Variants in PPP6R2 observed in about 807,000 individuals in gnomAD.
PPP6R2 encodes serine/threonine-protein phosphatase 6 regulatory subunit 2.
Under a neutral mutation model 100.2 loss-of-function variants are expected in PPP6R2, and 62 were observed. The observed-to-expected ratio is 0.62, with a 90% CI of 0.50 to 0.76. PPP6R2 has a LOEUF of 0.76. PPP6R2 is among the 30% of genes least tolerant of loss of function. The pLI, the probability that PPP6R2 is intolerant of heterozygous loss-of-function variation, is 0.00. For synonymous variants in PPP6R2, 525 were observed against 514.7 expected (o/e 1.02, Z -0.27); for missense variants, 1,142 against 1,276.3 (o/e 0.89, Z 1.60).
At chr22:50,419,705 T>C (rs895119965) in intron 8 of PPP6R2, among the ~76,000 whole-genome samples, 6 of 152,258 alleles carry the variant, frequency 3.9e-5, no homozygotes, top group African/African-American at 1.4e-4. Context: ...CAGTTGGCGA[T>C]GCATTTGTCG....
chr22:50,340,434 TGTGTGTG>T, upstream of PPP6R2, among the ~76,000 whole-genome samples: 1 of 135,036 alleles, frequency 7.4e-6, no homozygotes, highest in Non-Finnish European at 1.6e-5. Context: ...GTGTGTGTGG[TGTGTGTG>T]GTATGTGGTG....
intron 3 of PPP6R2, among the ~76,000 whole-genome samples, chr22:50,404,599 G>GT (rs57447654): frequency 0.05 from 6,009 of 120,142 alleles, 417 homozygotes; most frequent in African/African-American, 0.14. Context: ...TTTCTTTCTT[G>GT]TTTTTTTTTT....
chr22:50,349,946 C>T (rs1254702937), intron 1 of PPP6R2, among the ~76,000 whole-genome samples: 2 of 151,498 alleles, frequency 1.3e-5, no homozygotes, highest in South Asian at 2.1e-4. Context: ...GGTGAAACTC[C>T]GTCTCTACTA....
chr22:50,386,317 T>A (rs2148751146), intron 2 of PPP6R2, among the ~76,000 whole-genome samples: 1 of 151,550 alleles, frequency 6.6e-6, no homozygotes, highest in East Asian at 1.9e-4. Flanking sequence ...AATTTTGTAT[T>A]TTTAGTAGAG....
At chr22:50,339,556 G>C (rs2042345601), upstream of PPP6R2, among the ~76,000 whole-genome samples, 1 of 121,964 alleles carries the variant, frequency 8.2e-6, no homozygotes, top group African/African-American at 3.2e-5. Flanking sequence ...GTGTGTGTGT[G>C]GTGTGTGTGG....
intron 1 of PPP6R2, among the ~76,000 whole-genome samples, chr22:50,370,973 C>T (rs2050082811): frequency 6.6e-6 from 1 of 152,186 alleles, no homozygotes; most frequent in Non-Finnish European, 1.5e-5. Context: ...TTGTAGAGGT[C>T]AGGGTATTGG....
intron 1 of PPP6R2, among the ~76,000 whole-genome samples, chr22:50,351,622 G>GTCTTGT (rs2045284560): frequency 2.0e-5 from 3 of 151,882 alleles, no homozygotes; most frequent in South Asian, 2.1e-4. Flanking sequence ...AGCATTTGCT[G>GTCTTGT]TTTTGTTTTT....
At chr22:50,400,817 C>T (rs1461473801) in intron 3 of PPP6R2, among the ~76,000 whole-genome samples, 1 of 152,174 alleles carries the variant, frequency 6.6e-6, no homozygotes, top group Non-Finnish European at 1.5e-5. Flanking sequence ...TTGTTCTGGG[C>T]TCCCTGAACC....
At chr22:50,352,458 G>A (rs990804010) in intron 1 of PPP6R2, among the ~76,000 whole-genome samples, 15 of 152,046 alleles carry the variant, frequency 9.9e-5, no homozygotes, top group Admixed American at 5.3e-4. Context: ...CATTGGGTGC[G>A]GTGTCTGACC....
At chr22:50,350,529 G>A (rs1039184523) in intron 1 of PPP6R2, among the ~76,000 whole-genome samples, 2 of 151,494 alleles carry the variant, frequency 1.3e-5, no homozygotes, top group Non-Finnish European at 2.9e-5. Context: ...ACTGCGACCG[G>A]CCTGAAATGT....
intron 3 of PPP6R2, among the ~76,000 whole-genome samples, chr22:50,403,622 C>T (rs934678701): frequency 1.3e-5 from 2 of 152,192 alleles, no homozygotes; most frequent in African/African-American, 4.8e-5. Flanking sequence ...TCTCAGGCCC[C>T]CTCTCTGCCC....
chr22:50,370,491 G>C (rs373017644), intron 1 of PPP6R2, among the ~76,000 whole-genome samples: 3 of 151,528 alleles, frequency 2.0e-5, no homozygotes, highest in African/African-American at 4.9e-5. Context: ...GTTTCACTAT[G>C]TTGGCCAGAC....
At chr22:50,348,872 A>T (rs539316653) in intron 1 of PPP6R2, among the ~76,000 whole-genome samples, 1 of 151,970 alleles carries the variant, frequency 6.6e-6, no homozygotes, top group South Asian at 2.1e-4. Flanking sequence ...CAGCCTGGGG[A>T]CATGACAAAA....
chr22:50,401,744 G>A (rs1024840356), intron 3 of PPP6R2, among the ~76,000 whole-genome samples: 5 of 151,216 alleles, frequency 3.3e-5, no homozygotes, highest in East Asian at 2.0e-4. Context: ...CTGGGTTCAC[G>A]CCATTCTCCT....
At chr22:50,438,876 G>GC in intron 19 of PPP6R2, 114 bp downstream of exon 19, 2 of 1,117,060 alleles carry the variant, frequency 1.8e-6, no homozygotes, top group Non-Finnish European at 2.5e-6. Context: ...GCTCACTGTG[G>GC]CCCGGAGCCT....
intron 6 of PPP6R2, 93 bp from the exon 7 acceptor site, chr22:50,418,774 A>G (rs1287362515): frequency 6.7e-6 from 6 of 899,614 alleles, no homozygotes; most frequent in African/African-American, 1.7e-5. Context: ...CTGCCAGAGA[A>G]GCAGCAGGAC....
upstream of PPP6R2, among the ~76,000 whole-genome samples, chr22:50,338,343 T>C (rs2042326746): frequency 6.9e-6 from 1 of 144,534 alleles, no homozygotes; most frequent in Non-Finnish European, 1.5e-5. Flanking sequence ...GTATATGTAG[T>C]GTGTGTGGTA....
chr22:50,442,676 A>G (rs1276688210), intron 22 of PPP6R2, among the ~76,000 whole-genome samples: 2 of 152,014 alleles, frequency 1.3e-5, no homozygotes, highest in East Asian at 3.9e-4. Flanking sequence ...CAGTCTCCCA[A>G]GTAGCTGGGA....
chr22:50,426,799 ACTCCAGC>A (rs1276438325), intron 10 of PPP6R2, among the ~76,000 whole-genome samples: 4 of 138,622 alleles, frequency 2.9e-5, no homozygotes, highest in Non-Finnish European at 6.0e-5. Context: ...ACACCACTGC[ACTCCAGC>A]CTGGGTGACA....
Sources: allele counts gnomAD v4.1 joint callset (sites outside exome capture counted in the v4.1 genomes callset), GRCh38; gene constraint gnomAD v4.1.1; transcripts MANE v1.5; gene names NCBI Gene and HGNC (gene_info 2026-07-23, HGNC 2026-07-21).